Variants in EGFR observed in about 807,000 individuals in gnomAD.
EGFR encodes the protein avian erythroblastic leukemia viral (v-erb-b) oncogene homolog.
Under a neutral mutation model 143.0 loss-of-function variants are expected in EGFR, and 58 were observed. That is an observed-to-expected ratio of 0.41 (90% CI 0.33 to 0.50). The LOEUF is 0.50. Ranked by LOEUF, EGFR falls within the 20% of genes least tolerant of loss-of-function variation. The pLI, the probability that EGFR is intolerant of heterozygous loss-of-function variation, is 0.39. For missense variants in EGFR, 1,307 were observed against 1,579.0 expected (o/e 0.83, Z 2.92); for synonymous variants, 613 against 594.4 (o/e 1.03, Z -0.45).
intron 1 of EGFR, among the ~76,000 whole-genome samples, chr7:55,127,197 GT>G (rs764383710): frequency 1.3e-5 from 2 of 152,192 alleles, no homozygotes; most frequent in African/African-American, 2.4e-5. Flanking sequence ...CCTTTGGACA[GT>G]TTCCAAGCAT....
At position 55,206,461 on chromosome 7, in the gene EGFR, C is replaced by A. The variant is rs1788109415; in HGVS notation, c.*844C>A. The A allele has an allele frequency of 8.6e-6, 2 of 233,290 alleles. No homozygotes were observed. The highest frequency in any genetic ancestry group is 1.7e-5 in the Non-Finnish European group (2 of 118,104). 14.5% of individuals were successfully genotyped at this position (233,290 alleles called of 1,614,324 possible). A position where few individuals can be genotyped will look rare whatever the true frequency, so the allele number is the denominator to read the frequency against. On this transcript the variant is annotated 3_prime_UTR_variant, in exon 28 of 28. Coordinates refer to ENST00000275493, the MANE Select transcript of EGFR (RefSeq NM_005228.5). ...TCAAATAATAACTCGGATTCCAGCC[C>A]ACATTGGATTCATCAGCATTTGGAC...
chr7:55,075,474 T>C (rs977225651), intron 1 of EGFR, among the ~76,000 whole-genome samples: 1 of 152,302 alleles, frequency 6.6e-6, no homozygotes, highest in East Asian at 1.9e-4. Context: ...ACCACAACAA[T>C]GCAACAATGT....
At chr7:55,165,234 GA>G in intron 14 of EGFR, 45 bp from the exon 15 acceptor site, 1 of 1,613,252 alleles carries the variant, frequency 6.2e-7, no homozygotes. Flanking sequence ...TTTTGAAAGA[GA>G]AAAGAAAGAG....
rs767718324 is a variant in EGFR at position 55,181,483 on chromosome 7, T to C, written c.2469+5T>C. On this transcript the variant is annotated splice_donor_5th_base_variant and intron_variant, in intron 20 of 27. Coordinates refer to ENST00000275493, the MANE Select transcript of EGFR (RefSeq NM_005228.5). ...TGGTGTGTGCAGATCGCAAAGGTAATCAGGGAAGGGAGATACGGGGAGGGG... is the reference window on the plus strand; with the variant it reads ...TGGTGTGTGCAGATCGCAAAGGTAACCAGGGAAGGGAGATACGGGGAGGGG... The C allele has an allele frequency of 2.5e-6, 4 of 1,614,150 alleles. No homozygotes were observed. The South Asian group carries it at 4.4e-5, about 18-fold the overall frequency.
At chr7:55,092,321 G>A (rs1406986603) in intron 1 of EGFR, among the ~76,000 whole-genome samples, 1 of 152,150 alleles carries the variant, frequency 6.6e-6, no homozygotes, top group Non-Finnish European at 1.5e-5. Flanking sequence ...GATGAGACTG[G>A]GTGGCTCCCT....
intron 15 of EGFR, 36 bp downstream of exon 15, chr7:55,165,473 C>T (rs186420789): frequency 6.3e-7 from 1 of 1,576,400 alleles, no homozygotes; most frequent in East Asian, 2.3e-5. Flanking sequence ...AACATTTCCT[C>T]TCTTGCAAAT....
chr7:55,106,879 A>T (rs1337934607), intron 1 of EGFR, among the ~76,000 whole-genome samples: 1 of 152,208 alleles, frequency 6.6e-6, no homozygotes, highest in Non-Finnish European at 1.5e-5. Context: ...TCAAGTCAAG[A>T]CATTACCTTA....
At chr7:55,155,707 G>T in intron 7 of EGFR, 123 bp from the exon 8 acceptor site, 1 of 802,532 alleles carries the variant, frequency 1.2e-6, no homozygotes, top group Non-Finnish European at 2.2e-6. Flanking sequence ...TGTCCTTAAA[G>T]TAAATAAAGC....
chr7:55,205,521 G>C lies in EGFR; in HGVS notation c.3537G>C (p.Lys1179Asn), dbSNP rs1343156007. Residue 1179 changes from lysine (K) to asparagine (N), a missense_variant, in exon 28 of 28, where the codon AAG becomes AAC. Lys to Asn is a moderately conservative substitution (Grantham distance 94). Coordinates refer to ENST00000275493, the MANE Select transcript of EGFR (RefSeq NM_005228.5). ...ACTACCAGCAGGACTTCTTTCCCAAGGAAGCCAAGCCAAATGGCATCTTTA... is the reference window on the plus strand; with the variant it reads ...ACTACCAGCAGGACTTCTTTCCCAACGAAGCCAAGCCAAATGGCATCTTTA... ...NPDYQQDFFP[K>N]EAKPNGIFKG... 1 of 1,614,196 alleles carries C rather than the reference G, an allele frequency of 6.2e-7. No individual in the cohort carries two copies. Among genetic ancestry groups the C allele is most frequent in the South Asian group, 1.1e-5 (1 of 91,086 alleles).
At position 55,209,989 on chromosome 7, in the gene EGFR, T is replaced by A. The variant is rs1788200931; in HGVS notation, c.*4372T>A. On this transcript the variant is annotated 3_prime_UTR_variant, in exon 28 of 28. Coordinates refer to ENST00000275493, the MANE Select transcript of EGFR (RefSeq NM_005228.5). ...GAGCTAAGCTAGGTCATTGTCATGG[T>A]GAAGAAGAGAAGCATCGTTTTTATA... The A allele has an allele frequency of 6.6e-6, 1 of 152,110 alleles. No homozygotes were observed. The highest frequency in any genetic ancestry group is 1.5e-5 in the Non-Finnish European group (1 of 68,012). 9.4% of individuals were successfully genotyped at this position (152,110 alleles called of 1,614,324 possible). A position where few individuals can be genotyped will look rare whatever the true frequency, so the allele number is the denominator to read the frequency against.
intron 14 of EGFR, among the ~76,000 whole-genome samples, chr7:55,164,859 T>A (rs971171720): frequency 1.3e-5 from 2 of 152,190 alleles, no homozygotes; most frequent in African/African-American, 4.8e-5. Context: ...TTCCTGTCAC[T>A]GGAGAAACAC....
At chr7:55,050,638 G>C (rs1287660153) in intron 1 of EGFR, among the ~76,000 whole-genome samples, 1 of 152,120 alleles carries the variant, frequency 6.6e-6, no homozygotes, top group Non-Finnish European at 1.5e-5. Flanking sequence ...CCAGCAGTGG[G>C]ATAAAGGCCA....
Position 55,165,542 on chromosome 7 carries a change from G to C in EGFR, c.1880+105G>C. 3 of 1,463,494 alleles carry C rather than the reference G, an allele frequency of 2.0e-6. No individual in the cohort carries two copies. In the South Asian group the frequency reaches 4.2e-5, roughly 20 times the overall value. 90.7% of individuals were successfully genotyped at this position (1,463,494 alleles called of 1,614,324 possible). On this transcript the variant is annotated intron_variant, in intron 15 of 27. Coordinates refer to ENST00000275493, the MANE Select transcript of EGFR (RefSeq NM_005228.5). ...CAACAAATTGCCGAGGTTTGTATTT[G>C]AGTCAGTTACTTAAGGTGTTTTGGT...
chr7:55,075,007 A>G (rs540572567), intron 1 of EGFR, among the ~76,000 whole-genome samples: 1 of 152,200 alleles, frequency 6.6e-6, no homozygotes, highest in Non-Finnish European at 1.5e-5. Flanking sequence ...AACTCACAAT[A>G]CCAGTAAAAT....
At chr7:55,144,157 G>A (rs1017821661) in intron 3 of EGFR, among the ~76,000 whole-genome samples, 1 of 152,198 alleles carries the variant, frequency 6.6e-6, no homozygotes, top group African/African-American at 2.4e-5. Context: ...CTTCAAAGTA[G>A]GCACTGTACA....
At chr7:55,112,723 A>G (rs1485676379) in intron 1 of EGFR, among the ~76,000 whole-genome samples, 1 of 152,222 alleles carries the variant, frequency 6.6e-6, no homozygotes, top group Non-Finnish European at 1.5e-5. Context: ...ATACCAAGGC[A>G]GTGAGTTTGT....
intron 2 of EGFR, 57 bp downstream of exon 2, chr7:55,142,494 A>T: frequency 6.3e-7 from 1 of 1,599,174 alleles, no homozygotes; most frequent in Non-Finnish European, 8.5e-7. Flanking sequence ...AAGTGGAGAA[A>T]GGCCTGGGCA....
At chr7:55,145,372 T>C (rs1794708175) in intron 3 of EGFR, among the ~76,000 whole-genome samples, 1 of 152,216 alleles carries the variant, frequency 6.6e-6, no homozygotes, top group Non-Finnish European at 1.5e-5. Flanking sequence ...ATCTCCAACC[T>C]GATAAACAAA....
chr7:55,188,210 C>G (rs2128962277), intron 20 of EGFR, among the ~76,000 whole-genome samples: 1 of 152,328 alleles, frequency 6.6e-6, no homozygotes, highest in Non-Finnish European at 1.5e-5. Flanking sequence ...TCGTCCTCCC[C>G]TCCTCCACTT....
Sources: gnomAD v4.1 joint callset for allele counts (sites outside exome capture counted in the v4.1 genomes callset) on GRCh38, gnomAD v4.1.1 for gene constraint, MANE v1.5 for transcripts, NCBI Gene and HGNC (gene_info 2026-07-23, HGNC 2026-07-21) for gene names.